The following KNTC1 variants were observed in gnomAD, a reference collection of about 807,000 sequenced individuals.
KNTC1 encodes kinetochore associated 1.
A neutral mutation model predicts 314.4 loss-of-function variants in KNTC1; 253 were observed. That is an observed-to-expected ratio of 0.80 (90% CI 0.73 to 0.89). The LOEUF is 0.89. Among genes scored for constraint, KNTC1 ranks in the 40% least tolerant of loss-of-function variants. KNTC1 has a pLI of 0.00. For synonymous variants in KNTC1, 901 were observed against 901.4 expected, an observed-to-expected ratio of 1.00 and a Z score of 0.01; for missense variants, 2,475 against 2,572.9, an observed-to-expected ratio of 0.96 and a Z score of 0.82.
chr12:122,596,768 G>A (rs1249456160), intron 43 of KNTC1, among the ~76,000 whole-genome samples: 5 of 152,088 alleles, frequency 3.3e-5, no homozygotes, highest in Non-Finnish European at 7.3e-5. Context: ...CTTGAGCCCA[G>A]GAGGTTGAGA....
chr12:122,542,339 CT>C (rs1962407740), intron 6 of KNTC1, among the ~76,000 whole-genome samples: 1 of 152,166 alleles, frequency 6.6e-6, no homozygotes, highest in Non-Finnish European at 1.5e-5. Flanking sequence ...TTGATATGGC[CT>C]TCAAGGAGCT....
chr12:122,618,740 C>T (rs1205214886), intron 59 of KNTC1, among the ~76,000 whole-genome samples, 195 bp downstream of exon 59: 1 of 152,026 alleles, frequency 6.6e-6, no homozygotes, highest in African/African-American at 2.4e-5. Flanking sequence ...ACAACCTCGG[C>T]TCACTGCACC....
chr12:122,539,465 T>G (rs1824251006), intron 4 of KNTC1, among the ~76,000 whole-genome samples: 1 of 152,208 alleles, frequency 6.6e-6, no homozygotes, highest in Non-Finnish European at 1.5e-5. Context: ...CCAGGTTTAG[T>G]AGGCTTGTGG....
intron 16 of KNTC1, among the ~76,000 whole-genome samples, chr12:122,556,347 AC>A (rs1963591074): frequency 6.6e-6 from 1 of 151,882 alleles, no homozygotes; most frequent in Non-Finnish European, 1.5e-5. Flanking sequence ...ATACATTATT[AC>A]TAACTACAGT....
chr12:122,534,539 G>A (rs888319875), intron 2 of KNTC1, 125 bp from the exon 3 acceptor site: 2 of 831,472 alleles, frequency 2.4e-6, no homozygotes, highest in Non-Finnish European at 1.9e-6. Flanking sequence ...AGATAGAGGG[G>A]CTAAAGAAAA....
chr12:122,581,490 C>T (rs184466218), intron 33 of KNTC1, among the ~76,000 whole-genome samples: 34 of 147,414 alleles, frequency 2.3e-4, no homozygotes, highest in East Asian at 1.0e-3. Flanking sequence ...TGAGCCACCG[C>T]GCCTGGCCTT....
At position 122,586,724 on chromosome 12, in the gene KNTC1, T is replaced by C; in HGVS notation, c.3697T>C (p.Ser1233Pro). ...AGAAAGCAAGAGATATCCCTTGGAG[T>C]CTACCAGTTTGCCATACTGCTCCCT... ...LAESKRYPLE[S>P]TSLPYCSLNE... is the part of the protein sequence containing the mutation. The change falls in exon 38 of 64, where the codon TCT (serine) becomes CCT (proline). Residue 1233 changes from serine to proline, a missense_variant. By Grantham distance (74) the Ser-to-Pro change is moderately conservative. Coordinates refer to ENST00000333479, the MANE Select transcript of KNTC1 (RefSeq NM_014708.6). The C allele has an allele frequency of 6.7e-7, 1 of 1,497,032 alleles. No individual in the cohort carries two copies. The highest frequency in any genetic ancestry group is 9.0e-7 in the Non-Finnish European group (1 of 1,111,530). 92.7% of individuals were successfully genotyped at this position (1,497,032 alleles called of 1,614,324 possible).
chr12:122,531,538 T>C (rs927942235), intron 2 of KNTC1, among the ~76,000 whole-genome samples: 1 of 152,200 alleles, frequency 6.6e-6, no homozygotes, highest in African/African-American at 2.4e-5. Context: ...TTAAAGGCAG[T>C]ATAATCCAAC....
In KNTC1 at chr12:122,604,595, C is replaced by T. The variant is rs1048797856; in HGVS notation, c.5133C>T (p.Cys1711=). The T allele has an allele frequency of 6.3e-7, 1 of 1,584,476 alleles. No homozygotes were observed. The highest frequency in any genetic ancestry group is 8.7e-7 in the Non-Finnish European group (1 of 1,154,878). The change falls in exon 49 of 64, where the codon TGC becomes TGT. Residue 1711 remains cysteine (C), a synonymous_variant. Coordinates refer to ENST00000333479, the MANE Select transcript of KNTC1 (RefSeq NM_014708.6). ...TCAAGATATCTGCTTTGAAATTCTG[C>T]CTTTATTTAGCTGAGAGATGGCTAC... ...GSFKISALKF[C]LYLAERWLQN...
At chr12:122,592,969 C>G (rs1007236040) in intron 42 of KNTC1, 1 of 140,842 alleles carries the variant, frequency 7.1e-6, no homozygotes, top group African/African-American at 2.7e-5. Context: ...AGACCACGAG[C>G]CCACCGAGAG....
In KNTC1 at chr12:122,547,417, C is replaced by G; in HGVS notation, c.819C>G (p.Asn273Lys). The G allele has an allele frequency of 6.3e-7, 1 of 1,584,706 alleles. No individual in the cohort carries two copies. Among genetic ancestry groups the G allele is most frequent in the African/African-American group, 1.3e-5 (1 of 74,366 alleles). Reference sequence around the variant, plus strand: ...TAAATGAAATGTCTCTATTGCAGAACGTGCTGAGTTTATGGGATATTTACA... The same window carrying G: ...TAAATGAAATGTCTCTATTGCAGAAGGTGCTGAGTTTATGGGATATTTACA... ...DNLLFVLDTD[N>K]VLSLWDIYTL... The change falls in exon 11 of 64, where the codon AAC becomes AAG. Residue 273 changes from asparagine (N) to lysine (K), a missense_variant and splice_region_variant. By Grantham distance (94) the Asn-to-Lys change is moderately conservative (BLOSUM62 0). Coordinates refer to ENST00000333479, the MANE Select transcript of KNTC1 (RefSeq NM_014708.6).
chr12:122,592,478 G>C (rs1023594637), intron 42 of KNTC1, among the ~76,000 whole-genome samples: 2 of 152,266 alleles, frequency 1.3e-5, no homozygotes, highest in African/African-American at 4.8e-5. Context: ...GGTGAAGCCA[G>C]CTGGGCTCAT....
intron 44 of KNTC1, among the ~76,000 whole-genome samples, chr12:122,600,285 G>C (rs921545845): frequency 3.3e-5 from 5 of 152,104 alleles, no homozygotes; most frequent in African/African-American, 1.2e-4. Context: ...TTTTAATAGA[G>C]ACAAGATTTC....
At position 122,551,330 on chromosome 12, in the gene KNTC1, C is replaced by A. The variant is rs369157449; in HGVS notation, c.1098C>A (p.Tyr366Ter). The A allele has an allele frequency of 2.5e-5, 40 of 1,576,464 alleles. No homozygotes were observed. The highest frequency in any genetic ancestry group is 3.5e-5 in the Non-Finnish European group (40 of 1,151,182). Reference sequence around the variant, plus strand: ...TTTTGTTATTGTAGGATACCATATACCTTTTAGAAGGAGTTTGCAAAAATG... The same window carrying A: ...TTTTGTTATTGTAGGATACCATATAACTTTTAGAAGGAGTTTGCAAAAATG... The part of the protein sequence containing the change: ...VQTGISTDTI[Y>*]LLEGVCKNDP... The change falls in exon 14 of 64, where the codon TAC (tyrosine) becomes TAA (stop). Residue 366 changes from tyrosine (Y) to a stop codon, truncating the protein, a stop_gained. Coordinates refer to ENST00000333479, the MANE Select transcript of KNTC1 (RefSeq NM_014708.6). LOFTEE classifies it high-confidence loss of function.
Position 122,601,615 on chromosome 12 carries a change from A to G in KNTC1, c.4643A>G (p.Asn1548Ser). Residue 1548 changes from asparagine to serine, a missense_variant, in exon 45 of 64, where the codon AAT (asparagine) becomes AGT (serine). Physicochemically the swap from Asn to Ser is conservative, Grantham distance 46. Coordinates refer to ENST00000333479, the MANE Select transcript of KNTC1 (RefSeq NM_014708.6). ...ERADEKITNI[N>S]INQALSILKH... is the part of the protein sequence containing the mutation. Reference sequence around the variant, plus strand: ...GCTGATGAAAAGATAACCAATATTAATATTAATCAGGTATAACAAATATAT... The same window carrying G: ...GCTGATGAAAAGATAACCAATATTAGTATTAATCAGGTATAACAAATATAT... 5.9e-6 allele frequency: 9 copies of G among 1,520,338 alleles called. No individual in the cohort carries two copies. The highest frequency in any genetic ancestry group is 2.2e-5 in the Admixed American group (1 of 45,312). The allele number at this position is 1,520,338 out of a possible 1,614,324, so 94.2% of individuals were successfully genotyped here.
At chr12:122,624,228 G>T (rs567126803) in intron 62 of KNTC1, among the ~76,000 whole-genome samples, 18 of 152,092 alleles carry the variant, frequency 1.2e-4, no homozygotes, top group African/African-American at 4.3e-4. Context: ...TCAGAGATTG[G>T]TCTTTACATT....
intron 20 of KNTC1, among the ~76,000 whole-genome samples, chr12:122,564,635 A>AT (rs918072416): frequency 4.0e-5 from 6 of 151,760 alleles, no homozygotes; most frequent in Admixed American, 3.3e-4. Flanking sequence ...CATCTGGCTA[A>AT]TTTTTTTAAT....
intron 24 of KNTC1, 120 bp downstream of exon 24, chr12:122,571,246 C>G: frequency 1.5e-6 from 1 of 665,796 alleles, no homozygotes; most frequent in East Asian, 2.9e-5. Flanking sequence ...TTTTTTTGTG[C>G]CTTTTTTTTG....
intron 51 of KNTC1, among the ~76,000 whole-genome samples, chr12:122,606,933 A>G (rs1265347454): frequency 5.3e-5 from 8 of 152,230 alleles, no homozygotes. Flanking sequence ...TAATGGTGAT[A>G]TAATTGAATT....
Sources: gnomAD v4.1 joint callset for allele counts (sites outside exome capture counted in the v4.1 genomes callset) on GRCh38, gnomAD v4.1.1 for gene constraint, MANE v1.5 for transcripts, NCBI Gene and HGNC (gene_info 2026-07-23, HGNC 2026-07-21) for gene names.